The following IRAG2 variants were observed in gnomAD, a reference collection of about 807,000 sequenced individuals.
The protein encoded by IRAG2 is inositol 1,4,5-triphosphate receptor associated 2.
IRAG2 carries 45 observed loss-of-function variants against 69.9 expected under a neutral mutation model. The ratio of observed to expected loss-of-function variants is 0.64; its 90% CI spans 0.51 to 0.83. The LOEUF (loss-of-function observed/expected upper bound fraction) is 0.83. Among genes scored for constraint, IRAG2 ranks in the 40% least tolerant of loss-of-function variants. IRAG2 has a pLI of 0.00. For missense variants in IRAG2, 520 were observed against 587.0 expected (o/e 0.89, Z 1.18); for synonymous variants, 193 against 202.4 (o/e 0.95, Z 0.40).
intron 7 of IRAG2, chr12:25,021,091 CTT>C: frequency 7.4e-5 from 20 of 270,364 alleles, no homozygotes; most frequent in East Asian, 2.2e-4. Context: ...TCTTTCTTTT[CTT>C]TTTTTTTTTT....
intron 6 of IRAG2, among the ~76,000 whole-genome samples, chr12:25,076,811 C>T (rs1312749919): frequency 6.6e-6 from 1 of 152,032 alleles, no homozygotes; most frequent in Non-Finnish European, 1.5e-5. Context: ...GGGTTACACT[C>T]AATAAAACTG....
intron 6 of IRAG2, among the ~76,000 whole-genome samples, chr12:25,077,053 G>A (rs1946733249): frequency 1.3e-5 from 2 of 150,286 alleles, no homozygotes; most frequent in South Asian, 4.2e-4. Context: ...TTTTTTAGTA[G>A]AGATGGGGTA....
intron 5 of IRAG2, among the ~76,000 whole-genome samples, chr12:25,067,693 A>T (rs1946074037): frequency 6.6e-6 from 1 of 151,902 alleles, no homozygotes; most frequent in Non-Finnish European, 1.5e-5. Flanking sequence ...TTTTGGAGGC[A>T]GGATCTCACT....
At chr12:25,005,620 T>C (rs539208969) in intron 2 of IRAG2, among the ~76,000 whole-genome samples, 1 of 152,352 alleles carries the variant, frequency 6.6e-6, no homozygotes, top group African/African-American at 2.4e-5. Flanking sequence ...CTTACCATCT[T>C]TATTTATTGA....
intron 1 of IRAG2, chr12:25,005,058 T>C (rs1399716326): frequency 1.6e-6 from 1 of 613,328 alleles, no homozygotes; most frequent in Admixed American, 4.4e-5. Context: ...TAACTATGTT[T>C]GTTTCCAGAA....
Position 25,063,793 on chromosome 12 carries a change from C to T in IRAG2, c.-230C>T, listed in dbSNP as rs887138423. ...CAGACACCCCTGACCTTGAAACATA[C>T]GTGCTGGTACACACCTCTGCTGGGT... On this transcript the variant is annotated 5_prime_UTR_variant, in exon 4 of 22. It adds an upstream start codon to the 5' untranslated region. Coordinates refer to ENST00000556887, the MANE Select transcript of IRAG2 (RefSeq NM_001366544.2). 8 of 398,914 alleles carry T rather than the reference C, an allele frequency of 2.0e-5. No individual in the cohort carries two copies. Among genetic ancestry groups the T allele is most frequent in the African/African-American group, 1.0e-4 (5 of 48,634 alleles). The allele number at this position is 398,914 out of a possible 1,614,324, so 24.7% of individuals were successfully genotyped here.
At chr12:25,085,966 G>A (rs1344983355) in intron 10 of IRAG2, among the ~76,000 whole-genome samples, 2 of 152,184 alleles carry the variant, frequency 1.3e-5, no homozygotes, top group African/African-American at 2.4e-5. Context: ...AGGATATAGT[G>A]TTGGCTAGCA....
chr12:25,074,059 T>C (rs570795748), intron 6 of IRAG2, among the ~76,000 whole-genome samples: 5 of 152,234 alleles, frequency 3.3e-5, no homozygotes, highest in Non-Finnish European at 7.3e-5. Context: ...CTGGCTTTAT[T>C]ACTTATTAGC....
At chr12:25,068,580 T>G (rs957340127) in intron 5 of IRAG2, among the ~76,000 whole-genome samples, 1 of 151,090 alleles carries the variant, frequency 6.6e-6, no homozygotes, top group Non-Finnish European at 1.5e-5. Context: ...CACAGATTGG[T>G]TCCCCTGGCA....
At chr12:25,057,318 G>A (rs1945329174) in intron 1 of IRAG2, among the ~76,000 whole-genome samples, 1 of 139,510 alleles carries the variant, frequency 7.2e-6, no homozygotes, top group African/African-American at 2.7e-5. Flanking sequence ...GACTATGGTG[G>A]TGGGATCATG....
intron 6 of IRAG2, among the ~76,000 whole-genome samples, chr12:25,073,219 T>G (rs560040423): frequency 6.6e-6 from 1 of 152,374 alleles, no homozygotes; most frequent in South Asian, 2.1e-4. Context: ...GTATGCTGGT[T>G]TGCATTGTAG....
chr12:25,014,510 T>C (rs992858935), intron 3 of IRAG2, among the ~76,000 whole-genome samples: 16 of 152,112 alleles, frequency 1.1e-4, no homozygotes, highest in African/African-American at 3.1e-4. Context: ...GGTGCTTAGG[T>C]TAAGTAACAA....
chr12:25,025,287 T>C (rs899006072), intron 8 of IRAG2, among the ~76,000 whole-genome samples: 1 of 152,198 alleles, frequency 6.6e-6, no homozygotes, highest in Non-Finnish European at 1.5e-5. Flanking sequence ...AATCCTTTGA[T>C]TCAAAACTGG....
At chr12:25,050,486 G>A (rs1410840281), upstream of IRAG2, among the ~76,000 whole-genome samples, 1 of 140,718 alleles carries the variant, frequency 7.1e-6, no homozygotes, top group South Asian at 2.4e-4. Context: ...CTGAGATCGC[G>A]CCAGTGCACT....
intron 6 of IRAG2, among the ~76,000 whole-genome samples, chr12:25,073,173 C>T (rs1946443414): frequency 6.6e-6 from 1 of 152,170 alleles, no homozygotes; most frequent in Non-Finnish European, 1.5e-5. Context: ...CTTTAAGACC[C>T]TTGTAATTCT....
chr12:25,022,913 G>A (rs1004194843), intron 7 of IRAG2, among the ~76,000 whole-genome samples: 36 of 152,180 alleles, frequency 2.4e-4, no homozygotes, highest in African/African-American at 8.4e-4. Flanking sequence ...ATCACCTGGG[G>A]TCAGGAGTTC....
intron 2 of IRAG2, chr12:25,011,207 C>T: frequency 1.9e-6 from 1 of 513,690 alleles, no homozygotes; most frequent in Non-Finnish European, 3.0e-6. Context: ...AGACTTTAGC[C>T]CAAGGCCAGT....
At chr12:25,094,300 T>A (rs975857457) in intron 14 of IRAG2, among the ~76,000 whole-genome samples, 4 of 152,194 alleles carry the variant, frequency 2.6e-5, no homozygotes, top group Non-Finnish European at 5.9e-5. Flanking sequence ...TTCTTTTGCA[T>A]GTGGATATCG....
chr12:25,036,756 C>T, intron 15 of IRAG2: 1 of 397,566 alleles, frequency 2.5e-6, no homozygotes, highest in Non-Finnish European at 4.4e-6. Flanking sequence ...ATAGTATATA[C>T]AGTACCATTT....
Sources: gnomAD v4.1 joint callset for allele counts (sites outside exome capture counted in the v4.1 genomes callset) on GRCh38, gnomAD v4.1.1 for gene constraint, MANE v1.5 for transcripts, NCBI Gene and HGNC (gene_info 2026-07-23, HGNC 2026-07-21) for gene names.